The following PID1 variants were observed in gnomAD, a reference collection of about 807,000 sequenced individuals.
The protein encoded by PID1 is PTB-containing, cubilin and LRP1-interacting protein.
Under a neutral mutation model 19.1 loss-of-function variants are expected in PID1, and 10 were observed. The ratio of observed to expected loss-of-function variants is 0.52; its 90% confidence interval spans 0.32 to 0.89. The LOEUF is 0.89. Among genes scored for constraint, PID1 ranks in the 40% least tolerant of loss-of-function variants. PID1 has a pLI of 0.03. For missense variants in PID1, 248 were observed against 285.3 expected (o/e 0.87, Z 0.94); for synonymous variants, 130 against 116.0 (o/e 1.12, Z -0.78).
In PID1 at chr2:229,116,542, T is replaced by C. The variant is rs1695414962; in HGVS notation, c.177+39276A>G. Among the ~76,000 whole-genome samples the C allele has an allele frequency of 2.0e-5, 3 of 152,120 alleles. No homozygotes were observed. The South Asian group carries it at 6.2e-4, about 31-fold the overall frequency. On this transcript the variant is annotated intron_variant, in intron 2 of 2. Coordinates refer to ENST00000392055, the MANE Select transcript of PID1 (RefSeq NM_001100818.2). ...GTAACTGAATCATGGGGGTGGGTCT[T>C]TCCCGTGCTGTTCTCATGGTAGTGA...
rs1215278731 is a variant in PID1 at position 229,184,292 on chromosome 2, A to G, written c.31-28328T>C. 3.2e-5 allele frequency among the ~76,000 whole-genome samples: 3 copies of G among 93,148 alleles called. 1 individual carries two copies. Among genetic ancestry groups the G allele is most frequent in the African/African-American group, 1.1e-4 (3 of 27,500 alleles). 61.1% of individuals were successfully genotyped at this position (93,148 alleles called of 152,430 possible). On this transcript the variant is annotated intron_variant, in intron 1 of 2. Coordinates refer to ENST00000392055, the MANE Select transcript of PID1 (RefSeq NM_001100818.2). The stretch of plus-strand genomic sequence containing the variant: ...TATATATCCCATATATATATCCCAT[A>G]TATATATCCCATGTATATATATCCC...
chr2:229,169,050 C>T (rs954768063), intron 1 of PID1, among the ~76,000 whole-genome samples: 1 of 152,154 alleles, frequency 6.6e-6, no homozygotes, highest in Non-Finnish European at 1.5e-5. Flanking sequence ...TCACTCTTGC[C>T]TTGTCTCCAA....
intron 2 of PID1, among the ~76,000 whole-genome samples, chr2:229,131,930 C>T (rs1039229173): frequency 1.3e-5 from 2 of 152,112 alleles, no homozygotes; most frequent in African/African-American, 4.8e-5. Context: ...GTACTATCAT[C>T]CTTCTGTCTG....
intron 1 of PID1, among the ~76,000 whole-genome samples, chr2:229,239,133 C>T (rs1490466683): frequency 6.6e-6 from 1 of 151,972 alleles, no homozygotes; most frequent in Non-Finnish European, 1.5e-5. Flanking sequence ...TTCATAGAGC[C>T]TCAGAATCTC....
intron 1 of PID1, among the ~76,000 whole-genome samples, chr2:229,186,394 G>T (rs1299738840): frequency 6.6e-6 from 1 of 152,152 alleles, no homozygotes; most frequent in African/African-American, 2.4e-5. Flanking sequence ...TTGTGTGGGG[G>T]TTTTGACCAC....
chr2:229,149,505 T>C (rs1270574005), intron 2 of PID1, among the ~76,000 whole-genome samples: 1 of 152,278 alleles, frequency 6.6e-6, no homozygotes, highest in African/African-American at 2.4e-5. Context: ...ACCTGCAAAG[T>C]CTTCAGCTCA....
chr2:229,266,531 T>C (rs1690595615), intron 1 of PID1, among the ~76,000 whole-genome samples: 2 of 152,152 alleles, frequency 1.3e-5, no homozygotes, highest in Admixed American at 6.5e-5. Context: ...AAAACAGTCA[T>C]TGCTCTAACT....
chr2:229,216,489 C>G (rs557781358), intron 1 of PID1, among the ~76,000 whole-genome samples: 1 of 152,084 alleles, frequency 6.6e-6, no homozygotes, highest in Non-Finnish European at 1.5e-5. Flanking sequence ...TGACCAGCAG[C>G]TAAATGACCA....
chr2:229,234,109 A>G (rs1352431287), intron 1 of PID1, among the ~76,000 whole-genome samples: 2 of 152,194 alleles, frequency 1.3e-5, no homozygotes, highest in Non-Finnish European at 2.9e-5. Context: ...GCTTCATGAA[A>G]GGTTATGTCT....
chr2:229,218,697 T>A (rs531046888), intron 1 of PID1, among the ~76,000 whole-genome samples: 2 of 152,124 alleles, frequency 1.3e-5, no homozygotes, highest in Admixed American at 1.3e-4. Context: ...TTAGGAGCCC[T>A]GGGATTTAGG....
intron 2 of PID1, among the ~76,000 whole-genome samples, chr2:229,114,343 G>A (rs527928195): frequency 6.6e-6 from 1 of 152,034 alleles, no homozygotes; most frequent in Non-Finnish European, 1.5e-5. Flanking sequence ...TCTTTTTACT[G>A]GTAATTTTCT....
intron 2 of PID1, among the ~76,000 whole-genome samples, chr2:229,138,871 A>C (rs1689912759): frequency 6.6e-6 from 1 of 151,142 alleles, no homozygotes; most frequent in Non-Finnish European, 1.5e-5. Flanking sequence ...AGGAGGAAAA[A>C]AAAATGGAAA....
intron 2 of PID1, among the ~76,000 whole-genome samples, chr2:229,116,050 C>A (rs565460431): frequency 6.6e-6 from 1 of 151,856 alleles, no homozygotes; most frequent in South Asian, 2.1e-4. Flanking sequence ...GGTAAAACCC[C>A]GTCTCTACTA....
chr2:229,269,880 C>T (rs1690689202), intron 1 of PID1, among the ~76,000 whole-genome samples: 1 of 152,188 alleles, frequency 6.6e-6, no homozygotes. Flanking sequence ...CAAATCATGG[C>T]CCAGGGAGCT....
intron 2 of PID1, among the ~76,000 whole-genome samples, chr2:229,052,356 T>C (rs1694013022): frequency 1.3e-5 from 2 of 152,166 alleles, no homozygotes; most frequent in Admixed American, 6.5e-5. Flanking sequence ...GACTTCTTTA[T>C]AATACTGGAT....
At chr2:229,132,824 T>A (rs920787976) in intron 2 of PID1, among the ~76,000 whole-genome samples, 2 of 152,232 alleles carry the variant, frequency 1.3e-5, no homozygotes, top group Non-Finnish European at 2.9e-5. Context: ...TTACAATGTA[T>A]GCACTGCACT....
At chr2:229,217,142 C>T (rs1317704761) in intron 1 of PID1, among the ~76,000 whole-genome samples, 1 of 152,124 alleles carries the variant, frequency 6.6e-6, no homozygotes, top group Non-Finnish European at 1.5e-5. Flanking sequence ...GGGACAGAGC[C>T]CATTTTTGTC....
intron 1 of PID1, among the ~76,000 whole-genome samples, chr2:229,235,050 C>A (rs1311273542): frequency 1.3e-5 from 2 of 152,080 alleles, no homozygotes; most frequent in Non-Finnish European, 2.9e-5. Flanking sequence ...AGCTTTTTGT[C>A]CCCTTTCTTG....
intron 1 of PID1, among the ~76,000 whole-genome samples, chr2:229,192,090 G>T (rs1574708953): frequency 6.6e-6 from 1 of 151,924 alleles, no homozygotes; most frequent in African/African-American, 2.4e-5. Context: ...AGAAAATAGG[G>T]GGTATAAAAA....
Sources: allele counts gnomAD v4.1 joint callset (sites outside exome capture counted in the v4.1 genomes callset), GRCh38; gene constraint gnomAD v4.1.1; transcripts MANE v1.5; gene names NCBI Gene and HGNC (gene_info 2026-07-23, HGNC 2026-07-21).